RCBTB2: variants seen among roughly 807,000 people sequenced by gnomAD.
The protein encoded by RCBTB2 is RCC1 and BTB domain-containing protein 2.
Under a neutral mutation model 65.4 loss-of-function variants are expected in RCBTB2, and 55 were observed. The observed-to-expected ratio is 0.84, with a 90% CI of 0.68 to 1.05. RCBTB2 has a LOEUF of 1.05. Among genes scored for constraint, RCBTB2 ranks in the 50% least tolerant of loss-of-function variants. RCBTB2 has a pLI of 0.00. For synonymous variants in RCBTB2, 220 were observed against 255.2 expected (o/e 0.86, Z 1.31); for missense variants, 599 against 680.1 (o/e 0.88, Z 1.33).
intron 1 of RCBTB2, among the ~76,000 whole-genome samples, chr13:48,531,575 CA>C (rs1952123824): frequency 6.6e-6 from 1 of 152,308 alleles, no homozygotes; most frequent in Admixed American, 6.5e-5. Context: ...ATACCAAACG[CA>C]GACGCCCTGG....
At position 48,515,591 on chromosome 13, in the gene RCBTB2, C is replaced by T. The variant is rs1386527811; in HGVS notation, c.193G>A (p.Asp65Asn). ...GNEVLYTTVN[D>N]EIFVLGTNCC... ...TTTATTTTCTTCAAAATTACCTCATCATTTACTGTAGTGTATAAAACTTCA... is the reference window on the plus strand; with the variant it reads ...TTTATTTTCTTCAAAATTACCTCATTATTTACTGTAGTGTATAAAACTTCA... The change falls in exon 5 of 15, where the codon GAT becomes AAT. Residue 65 changes from aspartate to asparagine, a missense_variant. Physicochemically the swap from Asp to Asn is conservative, Grantham distance 23. Coordinates refer to ENST00000344532, the MANE Select transcript of RCBTB2 (RefSeq NM_001268.4). 47 of 1,589,182 alleles carry T rather than the reference C, an allele frequency of 3.0e-5. No homozygotes were observed. Among genetic ancestry groups the T allele is most frequent in the Non-Finnish European group, 3.8e-5 (45 of 1,172,414 alleles).
At chr13:48,529,548 G>A (rs1951990141) in intron 1 of RCBTB2, among the ~76,000 whole-genome samples, 2 of 152,166 alleles carry the variant, frequency 1.3e-5, no homozygotes, top group Admixed American at 1.3e-4. Context: ...AATTAGCAAG[G>A]CTGAAGACGT....
intron 1 of RCBTB2, among the ~76,000 whole-genome samples, chr13:48,528,222 C>T (rs935255921): frequency 5.3e-5 from 8 of 152,142 alleles, no homozygotes; most frequent in African/African-American, 1.9e-4. Context: ...GTTTTAAATG[C>T]TGACATTTTG....
intron 4 of RCBTB2, among the ~76,000 whole-genome samples, chr13:48,517,380 T>A (rs1951151221): frequency 2.6e-5 from 4 of 152,334 alleles, no homozygotes; most frequent in Middle Eastern, 3.4e-3. Flanking sequence ...CTGTAACTCC[T>A]TCACACGGAA....
chr13:48,533,437 T>C (rs1952294403), upstream of RCBTB2, among the ~76,000 whole-genome samples: 1 of 152,240 alleles, frequency 6.6e-6, no homozygotes, highest in African/African-American at 2.4e-5. Context: ...GCGTGTATGA[T>C]GCTGAGAGCA....
chr13:48,523,690 G>A (rs1019246897), intron 2 of RCBTB2, among the ~76,000 whole-genome samples: 2 of 152,182 alleles, frequency 1.3e-5, no homozygotes, highest in African/African-American at 4.8e-5. Context: ...AAGTAGAGAT[G>A]TGACTGCCCC....
chr13:48,496,683 A>G (rs1949986803), intron 13 of RCBTB2, among the ~76,000 whole-genome samples: 1 of 150,956 alleles, frequency 6.6e-6, no homozygotes, highest in Non-Finnish European at 1.5e-5. Context: ...ATGCTGTAAG[A>G]GTGCCCGCCG....
Position 48,499,753 on chromosome 13 carries a change from G to A in RCBTB2, c.1252C>T (p.His418Tyr). The A allele has an allele frequency of 6.2e-7, 1 of 1,614,138 alleles. No homozygotes were observed. The highest frequency in any genetic ancestry group is 1.1e-5 in the South Asian group (1 of 91,080). The change falls in exon 13 of 15, where the codon CAT (histidine) becomes TAT (tyrosine). Residue 418 changes from histidine (H) to tyrosine (Y), a missense_variant. His to Tyr is a moderately conservative substitution (Grantham distance 83). Coordinates refer to ENST00000344532, the MANE Select transcript of RCBTB2 (RefSeq NM_001268.4). ...TTATCTTCCAATGACGAACGAAAAT[G>A]CTCACATCTGAAGGAAAAAAGCAGT... ...HKVLLKIRCEHFRSSLEDNED... is the reference protein window; with the variant it reads ...HKVLLKIRCEYFRSSLEDNED...
At chr13:48,519,302 C>A (rs1440297169) in intron 4 of RCBTB2, among the ~76,000 whole-genome samples, 2 of 152,164 alleles carry the variant, frequency 1.3e-5, no homozygotes, top group Non-Finnish European at 2.9e-5. Flanking sequence ...CCACAAACAG[C>A]ACACATGGAA....
rs1469705745 is a variant in RCBTB2, at chr13:48,490,001, TACTC to T, written c.*106_*109del. 2.5e-6 allele frequency: 3 copies of T among 1,198,286 alleles called. No homozygotes were observed. Among genetic ancestry groups the T allele is most frequent in the Non-Finnish European group, 2.5e-6 (2 of 814,524 alleles). The allele number at this position is 1,198,286 out of a possible 1,614,324, so 74.2% of individuals were successfully genotyped here. On this transcript the variant is annotated 3_prime_UTR_variant, in exon 15 of 15. Coordinates refer to ENST00000344532, the MANE Select transcript of RCBTB2 (RefSeq NM_001268.4). ...CCATCCTTCTTCTGACAGTTACAAG[TACTC>T]AGCCAAACATAGCTCATCATACATA...
At position 48,489,997 on chromosome 13, in the gene RCBTB2, C is replaced by CAAGT. The variant is rs772646873; in HGVS notation, c.*110_*113dup. 10 of 1,162,490 alleles carry CAAGT rather than the reference C, an allele frequency of 8.6e-6. No homozygotes were observed. Among genetic ancestry groups the CAAGT allele is most frequent in the Non-Finnish European group, 1.3e-5 (10 of 784,530 alleles). 72.0% of individuals were successfully genotyped at this position (1,162,490 alleles called of 1,614,324 possible). A position where few individuals can be genotyped will look rare whatever the true frequency, so the allele number is the denominator to read the frequency against. ...ACCACCATCCTTCTTCTGACAGTTA[C>CAAGT]AAGTACTCAGCCAAACATAGCTCAT... On this transcript the variant is annotated 3_prime_UTR_variant, in exon 15 of 15. Transcript: ENST00000344532.
rs116973441 is a variant in RCBTB2 at position 48,531,700 on chromosome 13, T to G, written c.-219+1328A>C. On this transcript the variant is annotated intron_variant, in intron 1 of 14. Transcript: ENST00000344532. ...TTTACCTGCTGCTTAATAACACGCATGTACTGTCTAGCAGGAAATAAAGAG... is the reference window on the plus strand; with the variant it reads ...TTTACCTGCTGCTTAATAACACGCAGGTACTGTCTAGCAGGAAATAAAGAG... Among the ~76,000 whole-genome samples the G allele has an allele frequency of 8.7e-3, 1,324 of 152,326 alleles. 61 individuals carry two copies. The East Asian group carries it at 0.12, about 13-fold the overall frequency.
At chr13:48,508,576 A>AT (rs956374503) in intron 10 of RCBTB2, among the ~76,000 whole-genome samples, 15 of 152,068 alleles carry the variant, frequency 9.9e-5, no homozygotes, top group Admixed American at 9.2e-4. Context: ...GCTAATTTTT[A>AT]TATTTTTAGT....
At chr13:48,531,708 C>G (rs994457393) in intron 1 of RCBTB2, among the ~76,000 whole-genome samples, 1 of 152,224 alleles carries the variant, frequency 6.6e-6, no homozygotes, top group Admixed American at 6.5e-5. Flanking sequence ...CATGTACTGT[C>G]TAGCAGGAAA....
chr13:48,509,495 G>A (rs1207141812), intron 10 of RCBTB2, among the ~76,000 whole-genome samples: 1 of 152,080 alleles, frequency 6.6e-6, no homozygotes, highest in Non-Finnish European at 1.5e-5. Context: ...TCTCTTCTGA[G>A]GAGCTCTAAG....
chr13:48,535,198 G>A (rs1275582760), upstream of RCBTB2, among the ~76,000 whole-genome samples: 1 of 151,114 alleles, frequency 6.6e-6, no homozygotes, highest in Non-Finnish European at 1.5e-5. Context: ...CTTCCAAAAT[G>A]TCTTAAAAGA....
chr13:48,515,882 G>A (rs1951060140), intron 4 of RCBTB2, 141 bp from the exon 5 acceptor site: 1 of 851,632 alleles, frequency 1.2e-6, no homozygotes, highest in East Asian at 2.8e-5. Context: ...CGCAGCTGCA[G>A]GGATTGCCTC....
intron 13 of RCBTB2, among the ~76,000 whole-genome samples, 173 bp from the exon 14 acceptor site, chr13:48,496,494 G>C (rs568458978): frequency 6.6e-6 from 1 of 152,026 alleles, no homozygotes; most frequent in East Asian, 1.9e-4. Flanking sequence ...CTCTACCCAG[G>C]ATGGCAGCCA....
Position 48,499,648 on chromosome 13 carries a change from T to A in RCBTB2, c.1357A>T (p.Ile453Phe). The change falls in exon 13 of 15, where the codon ATC (isoleucine) becomes TTC (phenylalanine). Residue 453 changes from isoleucine to phenylalanine, a missense_variant. By Grantham distance (21) the Ile-to-Phe change is conservative. Coordinates refer to ENST00000344532, the MANE Select transcript of RCBTB2 (RefSeq NM_001268.4). ...AFLEYLYTDSISLSPEEAVGL... is the reference protein window; with the variant it reads ...AFLEYLYTDSFSLSPEEAVGL... ...ACTGCCTCCTCAGGAGAAAGGCTGA[T>A]GCTGTCTGTGTATAGGTATTCCAGG... 1 of 1,614,232 alleles carries A rather than the reference T, an allele frequency of 6.2e-7. No homozygotes were observed. The highest frequency in any genetic ancestry group is 8.5e-7 in the Non-Finnish European group (1 of 1,180,034).
Sources: allele counts gnomAD v4.1 joint callset (sites outside exome capture counted in the v4.1 genomes callset), GRCh38; gene constraint gnomAD v4.1.1; transcripts MANE v1.5; gene names NCBI Gene and HGNC (gene_info 2026-07-23, HGNC 2026-07-21).